The following PDC variants were observed in gnomAD, a reference collection of about 807,000 sequenced individuals.
PDC encodes the protein phosducin.
PDC carries 19 observed loss-of-function variants against 22.2 expected under a neutral mutation model. The ratio of observed to expected loss-of-function variants is 0.86; its 90% CI spans 0.60 to 1.26. The LOEUF (loss-of-function observed/expected upper bound fraction) is 1.26. Among genes scored for constraint, PDC ranks in the 50% most tolerant of loss-of-function variants. The pLI is 0.00. For missense variants in PDC, 274 were observed against 286.8 expected (o/e 0.96, Z 0.32); for synonymous variants, 97 against 96.2 (o/e 1.01, Z -0.05).
chr1:186,460,246 T>A (rs887857590), intron 1 of PDC, among the ~76,000 whole-genome samples: 3 of 152,182 alleles, frequency 2.0e-5, no homozygotes, highest in Admixed American at 1.3e-4. Context: ...ATTCCAGAGA[T>A]AAACAATTTG....
intron 1 of PDC, among the ~76,000 whole-genome samples, chr1:186,457,050 C>T (rs1662487088): frequency 1.3e-5 from 2 of 152,144 alleles, no homozygotes; most frequent in African/African-American, 2.4e-5. Context: ...GCTTTACGTC[C>T]TACTTTTCTC....
intron 1 of PDC, among the ~76,000 whole-genome samples, chr1:186,459,214 CTCCTT>C (rs1022708794): frequency 6.6e-6 from 1 of 152,210 alleles, no homozygotes; most frequent in Non-Finnish European, 1.5e-5. Flanking sequence ...AGGACCCTTC[CTCCTT>C]TTCAGGCCCT....
At chr1:186,455,989 AAAAAAATAT>A (rs1662458463) in intron 1 of PDC, among the ~76,000 whole-genome samples, 1 of 94,082 alleles carries the variant, frequency 1.1e-5, no homozygotes, top group Non-Finnish European at 2.0e-5. Context: ...AAAAAAAAAA[AAAAAAATAT>A]ATATATATAT....
chr1:186,455,866 G>A (rs1228162423), intron 1 of PDC, among the ~76,000 whole-genome samples: 1 of 135,816 alleles, frequency 7.4e-6, no homozygotes, highest in African/African-American at 2.9e-5. Flanking sequence ...CAGCTACTCG[G>A]GAGGCTGAGG....
At position 186,446,415 on chromosome 1, in the gene PDC, T is replaced by C. The variant is rs752399115; in HGVS notation, c.213+11A>G. On this transcript the variant is annotated intron_variant, in intron 3 of 3. Coordinates refer to ENST00000391997, the MANE Select transcript of PDC (RefSeq NM_002597.5). ...GTAAATTATTTATTACTGCTTTTTG[T>C]ATTATCTTACCTTTCTGCTGACTCG... 2.6e-6 allele frequency: 4 copies of C among 1,561,022 alleles called. No homozygotes were observed. Among genetic ancestry groups the C allele is most frequent in the African/African-American group, 2.7e-5 (2 of 73,538 alleles).
intron 2 of PDC, among the ~76,000 whole-genome samples, chr1:186,449,196 T>G (rs1397593511): frequency 6.6e-6 from 1 of 152,150 alleles, no homozygotes; most frequent in Non-Finnish European, 1.5e-5. Flanking sequence ...TTTGTTTTTT[T>G]ACTCTTTGAC....
rs894030914 is a variant in PDC, at chr1:186,444,111, A to G, written c.609T>C (p.Ser203=). ...ATTCTTCAGCAAACTGTTCAGCAAC[A>G]CTAATAAAATTGCTTATGAGTTCCC... is the stretch of plus-strand genomic sequence containing the variant. ...KGGELISNFI[S]VAEQFAEEFF... is the part of the protein sequence containing the mutation. Residue 203 remains serine, a synonymous_variant, in exon 4 of 4, where the codon AGT becomes AGC. Transcript: ENST00000391997. The G allele has an allele frequency of 6.2e-7, 1 of 1,614,074 alleles. No individual in the cohort carries two copies. The highest frequency in any genetic ancestry group is 8.5e-7 in the Non-Finnish European group (1 of 1,179,970).
chr1:186,447,552 T>C (rs1277315492), intron 2 of PDC, among the ~76,000 whole-genome samples: 2 of 152,174 alleles, frequency 1.3e-5, no homozygotes, highest in African/African-American at 2.4e-5. Flanking sequence ...TTTAAGAAAG[T>C]CTTAAATTCT....
At chr1:186,445,552 C>A (rs1407646332) in intron 3 of PDC, among the ~76,000 whole-genome samples, 1 of 152,110 alleles carries the variant, frequency 6.6e-6, no homozygotes, top group African/African-American at 2.4e-5. Context: ...GGTATGGGAG[C>A]TCATGCCTGT....
Position 186,459,762 on chromosome 1 carries a change from A to G in PDC, c.-25+1297T>C, listed in dbSNP as rs1459199989. ...AATATGTGTGTGTGTGTATATATAT[A>G]TATATATATATATATATATTTAAAA... On this transcript the variant is annotated intron_variant, in intron 1 of 3. Coordinates refer to ENST00000391997, the MANE Select transcript of PDC (RefSeq NM_002597.5). Among the ~76,000 whole-genome samples, 640 of 93,048 alleles carry G rather than the reference A, an allele frequency of 6.9e-3. 11 individuals carry two copies. Among genetic ancestry groups the G allele is most frequent in the East Asian group, 0.027 (122 of 4,514 alleles). The allele number at this position is 93,048 out of a possible 152,430, so 61.0% of individuals were successfully genotyped here. A position where few individuals can be genotyped will look rare whatever the true frequency, so the allele number is the denominator to read the frequency against.
At chr1:186,449,003 C>A (rs1394332690) in intron 2 of PDC, among the ~76,000 whole-genome samples, 1 of 151,858 alleles carries the variant, frequency 6.6e-6, no homozygotes, top group Non-Finnish European at 1.5e-5. Context: ...TTATCATTCC[C>A]TTTATTAGAT....
chr1:186,443,913 T>C lies in PDC; in HGVS notation c.*66A>G, dbSNP rs975662080. ...ATACTCTGTGTTCACTAAAGCAATA[T>C]AGATACTACCAAAACCATCATCCAA... On this transcript the variant is annotated 3_prime_UTR_variant, in exon 4 of 4. Transcript: ENST00000391997. 1.7e-6 allele frequency: 2 copies of C among 1,206,390 alleles called. No individual in the cohort carries two copies. The highest frequency in any genetic ancestry group is 1.5e-5 in the African/African-American group (1 of 66,122). 74.7% of individuals were successfully genotyped at this position (1,206,390 alleles called of 1,614,324 possible). A position where few individuals can be genotyped will look rare whatever the true frequency, so the allele number is the denominator to read the frequency against.
At chr1:186,459,639 A>G (rs979771713) in intron 1 of PDC, among the ~76,000 whole-genome samples, 1 of 151,136 alleles carries the variant, frequency 6.6e-6, no homozygotes, top group Admixed American at 6.6e-5. Context: ...ACTTATAAAC[A>G]TAGTATTTGG....
Position 186,444,316 on chromosome 1 carries a change from G to A in PDC, c.404C>T (p.Thr135Ile). The change falls in exon 4 of 4, where the codon ACA (threonine) becomes ATA (isoleucine). Residue 135 changes from threonine to isoleucine, a missense_variant. Transcript: ENST00000391997. ...ETIEKELKIT[T>I]IVVHIYEDGI... is the part of the protein sequence containing the mutation. ...ATCTTCATAAATGTGAACAACAATT[G>A]TGGTGATCTTCAGTTCCTTTTCAAT... 1 of 1,613,832 alleles carries A rather than the reference G, an allele frequency of 6.2e-7. No individual in the cohort carries two copies. Among genetic ancestry groups the A allele is most frequent in the Non-Finnish European group, 8.5e-7 (1 of 1,179,770 alleles).
At chr1:186,445,316 T>C (rs1485561986) in intron 3 of PDC, among the ~76,000 whole-genome samples, 1 of 152,214 alleles carries the variant, frequency 6.6e-6, no homozygotes, top group East Asian at 1.9e-4. Flanking sequence ...ATACCAGGTG[T>C]TGGGTACTTC....
Position 186,448,807 on chromosome 1 carries a change from A to C in PDC, c.61+592T>G, listed in dbSNP as rs1473397930. 29 of 203,728 alleles carry C rather than the reference A, an allele frequency of 1.4e-4. No individual in the cohort carries two copies. The Admixed American group carries it at 1.9e-3, about 13-fold the overall frequency. 12.6% of individuals were successfully genotyped at this position (203,728 alleles called of 1,614,324 possible). A position where few individuals can be genotyped will look rare whatever the true frequency, so the allele number is the denominator to read the frequency against. On this transcript the variant is annotated intron_variant, in intron 2 of 3. Coordinates refer to ENST00000391997, the MANE Select transcript of PDC (RefSeq NM_002597.5). ...AAATTAAAAGAGAGAGGAAATTACCATTCAAATAAGATTTAGTAGAGTTAA... is the reference window on the plus strand; with the variant it reads ...AAATTAAAAGAGAGAGGAAATTACCCTTCAAATAAGATTTAGTAGAGTTAA...
rs751184036 is a variant in PDC, at chr1:186,446,554, A to G, written c.85T>C (p.Trp29Arg). Reference protein sequence around the residue: ...HTGPKGVINDWRKFKLESQDS... With the variant: ...HTGPKGVINDRRKFKLESQDS... ...TGACTCTCTAATTTAAACTTTCTCC[A>G]ATCATTTATTACTCCTTTGGGTCCT... Residue 29 changes from tryptophan (W) to arginine (R), a missense_variant, in exon 3 of 4, where the codon TGG becomes CGG. By Grantham distance (101) the Trp-to-Arg change is moderately radical. Coordinates refer to ENST00000391997, the MANE Select transcript of PDC (RefSeq NM_002597.5). 10 of 1,584,980 alleles carry G rather than the reference A, an allele frequency of 6.3e-6. No homozygotes were observed. The highest frequency in any genetic ancestry group is 1.1e-5 in the South Asian group (1 of 88,674).
chr1:186,455,865 G>A (rs1287958023), intron 1 of PDC, among the ~76,000 whole-genome samples: 1 of 134,784 alleles, frequency 7.4e-6, no homozygotes. Flanking sequence ...CCAGCTACTC[G>A]GGAGGCTGAG....
At chr1:186,456,883 G>T (rs1257253231) in intron 1 of PDC, among the ~76,000 whole-genome samples, 1 of 152,140 alleles carries the variant, frequency 6.6e-6, no homozygotes, top group Non-Finnish European at 1.5e-5. Context: ...GCACTACCTG[G>T]CACATACTAT....
Sources: gnomAD v4.1 joint callset for allele counts (sites outside exome capture counted in the v4.1 genomes callset) on GRCh38, gnomAD v4.1.1 for gene constraint, MANE v1.5 for transcripts, NCBI Gene and HGNC (gene_info 2026-07-23, HGNC 2026-07-21) for gene names.